Variants in ADGRB3 observed in about 807,000 individuals in gnomAD.
ADGRB3 encodes brain-specific angiogenesis inhibitor 3.
Under a neutral mutation model 193.4 loss-of-function variants are expected in ADGRB3, and 37 were observed. The ratio of observed to expected loss-of-function variants is 0.19; its 90% CI spans 0.15 to 0.25. ADGRB3 has a LOEUF of 0.25. Ranked by LOEUF, ADGRB3 falls within the 10% of genes least tolerant of loss-of-function variation. The probability of loss-of-function intolerance (pLI) is 1.00; values close to 1 mark genes in which losing one functional copy is unlikely to be tolerated. For missense variants in ADGRB3, 1,637 were observed against 1,852.9 expected (o/e 0.88, Z 2.14); for synonymous variants, 690 against 644.2 (o/e 1.07, Z -1.08).
At chr6:68,915,992 G>T (rs1766867415) in intron 3 of ADGRB3, among the ~76,000 whole-genome samples, 1 of 151,508 alleles carries the variant, frequency 6.6e-6, no homozygotes, top group Admixed American at 6.6e-5. Context: ...AAAATATAAA[G>T]AAAAATAAAT....
At chr6:68,707,524 A>C (rs1359045549) in intron 3 of ADGRB3, among the ~76,000 whole-genome samples, 1 of 152,208 alleles carries the variant, frequency 6.6e-6, no homozygotes, top group Non-Finnish European at 1.5e-5. Context: ...CCTATGTATT[A>C]GTTGCTTACA....
chr6:68,846,876 C>A (rs1422971043), intron 3 of ADGRB3, among the ~76,000 whole-genome samples: 1 of 152,156 alleles, frequency 6.6e-6, no homozygotes, highest in Non-Finnish European at 1.5e-5. Context: ...TGTCAGACCC[C>A]AGAATGGTAG....
At chr6:68,723,631 G>A (rs1765623131) in intron 3 of ADGRB3, among the ~76,000 whole-genome samples, 1 of 151,700 alleles carries the variant, frequency 6.6e-6, no homozygotes, top group Admixed American at 6.6e-5. Flanking sequence ...ACTATGGATT[G>A]GATATACCTT....
At chr6:68,897,416 G>A (rs1766249563) in intron 3 of ADGRB3, among the ~76,000 whole-genome samples, 1 of 136,004 alleles carries the variant, frequency 7.4e-6, no homozygotes, top group South Asian at 2.5e-4. Flanking sequence ...GAGGGAGGGA[G>A]GGAGGGAGAA....
At chr6:68,964,408 C>T (rs1389045796) in intron 8 of ADGRB3, among the ~76,000 whole-genome samples, 1 of 152,024 alleles carries the variant, frequency 6.6e-6, no homozygotes, top group African/African-American at 2.4e-5. Context: ...GGCTAGTGGT[C>T]TCCAGTCTTC....
chr6:69,229,910 T>C (rs1418534202), intron 17 of ADGRB3, among the ~76,000 whole-genome samples: 2 of 152,226 alleles, frequency 1.3e-5, no homozygotes, highest in Non-Finnish European at 2.9e-5. Context: ...TTGTGTCTTA[T>C]ATTTTCACAT....
In ADGRB3 at chr6:69,324,994, A is replaced by G; in HGVS notation, c.2937A>G (p.Ile979Met). The G allele has an allele frequency of 6.2e-7, 1 of 1,613,874 alleles. No homozygotes were observed. The highest frequency in any genetic ancestry group is 1.1e-5 in the South Asian group (1 of 91,062). Reference sequence around the variant, plus strand: ...CTGGAAAAATTAGGACACGGCTTATAAGAAAACGCTTTTTGTGCCTTGGAT... The same window carrying G: ...CTGGAAAAATTAGGACACGGCTTATGAGAAAACGCTTTTTGTGCCTTGGAT... ...AVTGKIRTRL[I>M]RKRFLCLGWG... The change falls in exon 21 of 32, where the codon ATA becomes ATG. Residue 979 changes from isoleucine to methionine, a missense_variant. Physicochemically the swap from Ile to Met is conservative, Grantham distance 10 (BLOSUM62 1). This residue lies in a region of ADGRB3 where 87 missense variants were observed against 161.0 expected (regional missense o/e 0.54). Transcript: ENST00000370598.
intron 17 of ADGRB3, among the ~76,000 whole-genome samples, chr6:69,078,491 C>T (rs1019372527): frequency 1.3e-5 from 2 of 152,006 alleles, no homozygotes; most frequent in African/African-American, 2.4e-5. Context: ...ACTTGACAAT[C>T]TCAATTTTAA....
intron 17 of ADGRB3, among the ~76,000 whole-genome samples, chr6:69,094,357 T>C (rs2150318751): frequency 6.6e-6 from 1 of 152,366 alleles, no homozygotes; most frequent in East Asian, 1.9e-4. Context: ...ATTAAAGATG[T>C]AGTTTCTTCT....
At chr6:69,123,456 A>C (rs547670745) in intron 17 of ADGRB3, among the ~76,000 whole-genome samples, 2 of 152,166 alleles carry the variant, frequency 1.3e-5, no homozygotes, top group African/African-American at 2.4e-5. Flanking sequence ...CCCTGGCACC[A>C]TTGTGGATTC....
Position 69,355,824 on chromosome 6 carries a change from G to T in ADGRB3, c.3559G>T (p.Asp1187Tyr). 1.2e-6 allele frequency: 2 copies of T among 1,607,914 alleles called. No homozygotes were observed. Among genetic ancestry groups the T allele is most frequent in the East Asian group, 2.2e-5 (1 of 44,764 alleles). The change falls in exon 28 of 32, where the codon GAC (aspartate) becomes TAC (tyrosine). Residue 1187 changes from aspartate (D) to tyrosine (Y), a missense_variant. Asp to Tyr is a radical substitution (Grantham distance 160). Around this residue, in one of 7 missense-constraint regions of ADGRB3, gnomAD observed 116 missense variants for 168.1 expected, o/e 0.69. Transcript: ENST00000370598. Reference sequence around the variant, plus strand: ...GTCTTATTATTTATTGTTACAGACAGACTTTGAAAAGGATGTAGACATTGC... The same window carrying T: ...GTCTTATTATTTATTGTTACAGACATACTTTGAAAAGGATGTAGACATTGC... The part of the protein sequence containing the change: ...FPNGHAQIMT[D>Y]FEKDVDIACR...
chr6:69,295,936 C>T (rs780883364), intron 20 of ADGRB3, among the ~76,000 whole-genome samples: 20 of 152,082 alleles, frequency 1.3e-4, no homozygotes, highest in African/African-American at 4.8e-4. Flanking sequence ...TAGAATATGT[C>T]TATGAATCAG....
intron 3 of ADGRB3, among the ~76,000 whole-genome samples, chr6:68,655,365 CTGAA>C (rs1360730441): frequency 6.6e-6 from 1 of 151,374 alleles, no homozygotes; most frequent in Non-Finnish European, 1.5e-5. Context: ...AATTGGAAGA[CTGAA>C]TGAGGTAATG....
chr6:68,701,610 C>T (rs764298434), intron 3 of ADGRB3, among the ~76,000 whole-genome samples: 5 of 152,184 alleles, frequency 3.3e-5, no homozygotes, highest in Non-Finnish European at 5.9e-5. Flanking sequence ...ATGTCAGATT[C>T]ATAGAGCAGC....
intron 17 of ADGRB3, among the ~76,000 whole-genome samples, chr6:69,089,726 C>T (rs889412415): frequency 6.6e-6 from 1 of 152,154 alleles, no homozygotes; most frequent in Non-Finnish European, 1.5e-5. Flanking sequence ...ATGCTGCTGC[C>T]CTAGAGCTCT....
At chr6:69,230,692 G>T (rs566789331) in intron 17 of ADGRB3, among the ~76,000 whole-genome samples, 2 of 152,334 alleles carry the variant, frequency 1.3e-5, no homozygotes, top group South Asian at 4.1e-4. Context: ...TCATCAGAAT[G>T]ATATCACACA....
At chr6:69,301,683 A>G (rs996325800) in intron 20 of ADGRB3, among the ~76,000 whole-genome samples, 3 of 151,974 alleles carry the variant, frequency 2.0e-5, no homozygotes, top group African/African-American at 7.2e-5. Context: ...GAGGTCTGTA[A>G]CTGTGGTTGC....
intron 17 of ADGRB3, among the ~76,000 whole-genome samples, chr6:69,091,981 A>G (rs1448927589): frequency 1.3e-5 from 2 of 152,150 alleles, no homozygotes; most frequent in African/African-American, 2.4e-5. Flanking sequence ...CTGTTTCTCT[A>G]TAAGCAGTCT....
At chr6:69,156,868 C>G (rs949916273) in intron 17 of ADGRB3, among the ~76,000 whole-genome samples, 3 of 152,100 alleles carry the variant, frequency 2.0e-5, no homozygotes, top group African/African-American at 7.2e-5. Flanking sequence ...GAAACTAAAC[C>G]TCAGGGATGT....
Sources: allele counts gnomAD v4.1 joint callset (sites outside exome capture counted in the v4.1 genomes callset), GRCh38; gene constraint gnomAD v4.1.1; regional missense constraint gnomAD v4.1.1; transcripts MANE v1.5; gene names NCBI Gene and HGNC (gene_info 2026-07-23, HGNC 2026-07-21).